DIPK2A: variants seen among roughly 807,000 people sequenced by gnomAD.
DIPK2A encodes the protein divergent protein kinase domain 2A, also known as Golgi Protein of 49 kDa.
A neutral mutation model predicts 39.0 loss-of-function variants in DIPK2A; 27 were observed. The observed-to-expected ratio is 0.69, with a 90% CI of 0.51 to 0.96. DIPK2A has a LOEUF of 0.96. Ranked by LOEUF, DIPK2A falls within the 40% of genes least tolerant of loss-of-function variation. The pLI, the probability that DIPK2A is intolerant of heterozygous loss-of-function variation, is 0.00. For missense variants in DIPK2A, 528 were observed against 571.3 expected, an observed-to-expected ratio of 0.92 and a Z score of 0.77; for synonymous variants, 298 against 240.8, an observed-to-expected ratio of 1.24 and a Z score of -2.20.
At position 143,985,662 on chromosome 3, in the gene DIPK2A, A is replaced by G; in HGVS notation, c.777A>G (p.Lys259=). The G allele has an allele frequency of 6.2e-7, 1 of 1,614,148 alleles. No homozygotes were observed. ...GTTACTTTAATGCGCCATGGGAAAA[A>G]CGAGTTGACCTCGCTTGGCAATTAA... ...LWSYFNAPWE[K]RVDLAWQLME... Residue 259 remains lysine (K), a synonymous_variant, in exon 2 of 3, where the codon AAA becomes AAG. Transcript: ENST00000315691.
At chr3:143,986,912 GACAA>G (rs937492797) in intron 2 of DIPK2A, among the ~76,000 whole-genome samples, 4 of 151,940 alleles carry the variant, frequency 2.6e-5, no homozygotes, top group African/African-American at 9.7e-5. Flanking sequence ...AGTATCTTTT[GACAA>G]ACAAAGGCTG....
intron 2 of DIPK2A, 148 bp downstream of exon 2, chr3:143,985,994 A>C: frequency 1.6e-6 from 1 of 621,798 alleles, no homozygotes; most frequent in Non-Finnish European, 2.8e-6. Flanking sequence ...GTCAATAAAC[A>C]AATACAGATA....
At chr3:143,973,516 A>G (rs1478939345) in intron 1 of DIPK2A, 1 of 1,551,462 alleles carries the variant, frequency 6.4e-7, no homozygotes, top group East Asian at 2.4e-5. Context: ...ACCTAATTCG[A>G]GGACAAGTTG....
In DIPK2A at chr3:143,990,031, A is replaced by G; in HGVS notation, c.*190A>G. 1 of 587,910 alleles carries G rather than the reference A, an allele frequency of 1.7e-6. No homozygotes were observed. The highest frequency in any genetic ancestry group is 3.0e-6 in the Non-Finnish European group (1 of 332,974). 36.4% of individuals were successfully genotyped at this position (587,910 alleles called of 1,614,324 possible). A position where few individuals can be genotyped will look rare whatever the true frequency, so the allele number is the denominator to read the frequency against. On this transcript the variant is annotated 3_prime_UTR_variant, in exon 3 of 3. Transcript: ENST00000315691. Reference sequence around the variant, plus strand: ...TTCAAAAATCACATGATGCTTCTGCAAATAAGTATGTTCTTATACTTTGGA... The same window carrying G: ...TTCAAAAATCACATGATGCTTCTGCGAATAAGTATGTTCTTATACTTTGGA...
intron 1 of DIPK2A, among the ~76,000 whole-genome samples, chr3:143,983,007 G>A (rs571135331): frequency 7.2e-5 from 11 of 152,076 alleles, no homozygotes; most frequent in Non-Finnish European, 1.2e-4. Flanking sequence ...AATGGTAAAC[G>A]GATCAATGCA....
chr3:143,984,521 C>T (rs942474383), intron 1 of DIPK2A, among the ~76,000 whole-genome samples: 2 of 151,616 alleles, frequency 1.3e-5, no homozygotes, highest in Non-Finnish European at 2.9e-5. Flanking sequence ...TCCCTGTTCC[C>T]TGGGGATGGC....
At chr3:143,975,111 A>G (rs75093394) in intron 1 of DIPK2A, among the ~76,000 whole-genome samples, 4,245 of 152,186 alleles carry the variant, frequency 0.028, 196 homozygotes, top group African/African-American at 0.096. Context: ...GCCATAGGAT[A>G]AGAATTTGTT....
chr3:143,992,180 C>T lies in DIPK2A; in HGVS notation c.*2339C>T, dbSNP rs1205707280. 6.6e-6 allele frequency: 1 copy of T among 152,460 alleles called. No individual in the cohort carries two copies. The highest frequency in any genetic ancestry group is 2.4e-5 in the African/African-American group (1 of 41,386). The allele number at this position is 152,460 out of a possible 1,614,324, so 9.4% of individuals were successfully genotyped here. A position where few individuals can be genotyped will look rare whatever the true frequency, so the allele number is the denominator to read the frequency against. ...GCAATTTATATTTTTAATCATTGCCCATTAATAGACGCAGTAAAATATTTT... is the reference window on the plus strand; with the variant it reads ...GCAATTTATATTTTTAATCATTGCCTATTAATAGACGCAGTAAAATATTTT... On this transcript the variant is annotated 3_prime_UTR_variant, in exon 3 of 3. Coordinates refer to ENST00000315691, the MANE Select transcript of DIPK2A (RefSeq NM_173552.5).
In DIPK2A at chr3:143,972,243, C is replaced by T; in HGVS notation, c.-90C>T. On this transcript the variant is annotated 5_prime_UTR_variant, in exon 1 of 3. Transcript: ENST00000315691. ...CCGCGCGCTAGCTCCTTCTCTCGCC[C>T]GGGGTTCCTGCCGGTAGCTCTCCGG... 2 of 1,220,560 alleles carry T rather than the reference C, an allele frequency of 1.6e-6. No individual in the cohort carries two copies. Among genetic ancestry groups the T allele is most frequent in the Non-Finnish European group, 2.1e-6 (2 of 944,126 alleles). The allele number at this position is 1,220,560 out of a possible 1,614,324, so 75.6% of individuals were successfully genotyped here. A position where few individuals can be genotyped will look rare whatever the true frequency, so the allele number is the denominator to read the frequency against.
chr3:143,981,896 T>C (rs2087833725), intron 1 of DIPK2A, among the ~76,000 whole-genome samples: 1 of 152,356 alleles, frequency 6.6e-6, no homozygotes, highest in Middle Eastern at 3.4e-3. Context: ...CTAATAAGAT[T>C]GAACTGGATT....
At position 143,984,695 on chromosome 3, in the gene DIPK2A, TG is replaced by T. The variant is rs560210131; in HGVS notation, c.658-847del. The stretch of plus-strand genomic sequence containing the variant: ...CATGGTCATGGAACACGTTTTTTTT[TG>T]ATTTAGGATGATAATCCTGCCAGTA... On this transcript the variant is annotated intron_variant, in intron 1 of 2. Transcript: ENST00000315691. 5.0e-3 allele frequency among the ~76,000 whole-genome samples: 743 copies of T among 149,098 alleles called. 3 individuals carry two copies. The highest frequency in any genetic ancestry group is 7.8e-3 in the Non-Finnish European group (527 of 67,438).
In DIPK2A at chr3:143,972,540, G is replaced by A. The variant is rs750557803; in HGVS notation, c.208G>A (p.Gly70Arg). ...GTSWCRRFLNGQVVFEAWGRL... is the reference protein window; with the variant it reads ...GTSWCRRFLNRQVVFEAWGRL... ...GAGCTGGTGCCGCCGCTTCCTCAAC[G>A]GGCAGGTGGTATTCGAGGCGTGGGG... The change falls in exon 1 of 3, where the codon GGG (glycine) becomes AGG (arginine). Residue 70 changes from glycine (G) to arginine (R), a missense_variant. Transcript: ENST00000315691. 6.2e-7 allele frequency: 1 copy of A among 1,612,060 alleles called. No individual in the cohort carries two copies. Among genetic ancestry groups the A allele is most frequent in the Non-Finnish European group, 8.5e-7 (1 of 1,179,614 alleles).
intron 2 of DIPK2A, 36 bp from the exon 3 acceptor site, chr3:143,989,474 A>T (rs761021949): frequency 6.2e-6 from 9 of 1,453,260 alleles, no homozygotes; most frequent in Non-Finnish European, 8.4e-6. Context: ...CTATTTAAAA[A>T]ATTTTTTTCT....
chr3:143,984,499 TGAGGAG>T (rs1196561601), intron 1 of DIPK2A, among the ~76,000 whole-genome samples: 44 of 151,820 alleles, frequency 2.9e-4, no homozygotes, highest in South Asian at 1.9e-3. Flanking sequence ...CAGGGAGGCC[TGAGGAG>T]AGGCCTCCCT....
chr3:143,973,148 G>A, intron 1 of DIPK2A, 159 bp downstream of exon 1: 1 of 1,123,476 alleles, frequency 8.9e-7, no homozygotes, highest in Non-Finnish European at 1.3e-6. Context: ...GGAGCCCCGG[G>A]GCTGTGCAGG....
chr3:143,973,797 G>A (rs1311587094), intron 1 of DIPK2A: 7 of 573,928 alleles, frequency 1.2e-5, no homozygotes, highest in East Asian at 8.8e-5. Context: ...GTTTGCTCTC[G>A]TCTGACTGTT....
intron 1 of DIPK2A, among the ~76,000 whole-genome samples, chr3:143,979,450 A>T (rs1206733060): frequency 6.6e-6 from 1 of 152,232 alleles, no homozygotes; most frequent in East Asian, 1.9e-4. Context: ...TCTGAGACAG[A>T]ATCTTAAAAG....
chr3:143,972,211 C>T lies in DIPK2A; in HGVS notation c.-122C>T. On this transcript the variant is annotated 5_prime_UTR_variant, in exon 1 of 3. Transcript: ENST00000315691. ...TCTCACACACCTACTCCGCCCTCCG[C>T]CCCAGCCCGCGCGCTAGCTCCTTCT... The T allele has an allele frequency of 1.1e-6, 1 of 929,698 alleles. No individual in the cohort carries two copies. Among genetic ancestry groups the T allele is most frequent in the South Asian group, 2.7e-5 (1 of 37,390 alleles). 57.6% of individuals were successfully genotyped at this position (929,698 alleles called of 1,614,324 possible).
At chr3:143,976,260 C>CTAG (rs2087727013) in intron 1 of DIPK2A, among the ~76,000 whole-genome samples, 1 of 151,826 alleles carries the variant, frequency 6.6e-6, no homozygotes, top group Admixed American at 6.6e-5. Flanking sequence ...CAAGATAATG[C>CTAG]TAGTAGTACC....
Sources: allele counts gnomAD v4.1 joint callset (sites outside exome capture counted in the v4.1 genomes callset), GRCh38; gene constraint gnomAD v4.1.1; transcripts MANE v1.5; gene names NCBI Gene and HGNC (gene_info 2026-07-23, HGNC 2026-07-21).